Variants in PHF19 observed in about 807,000 individuals in gnomAD.
PHF19 encodes polycomb like 3.
In PHF19, 21 loss-of-function variants were observed where a neutral mutation model predicts 79.8. The observed-to-expected ratio is 0.26, with a 90% CI of 0.19 to 0.38. PHF19 has a LOEUF of 0.38. Among genes scored for constraint, PHF19 ranks in the 10% least tolerant of loss-of-function variants. The pLI is 1.00. For synonymous variants in PHF19, 273 were observed against 296.3 expected (o/e 0.92, Z 0.81); for missense variants, 445 against 744.2 (o/e 0.60, Z 4.68).
intron 9 of PHF19, among the ~76,000 whole-genome samples, chr9:120,864,983 C>A (rs2045656125): frequency 6.6e-6 from 1 of 151,838 alleles, no homozygotes; most frequent in Non-Finnish European, 1.5e-5. Flanking sequence ...TTACTAAAAA[C>A]CAACTCTACG....
intron 3 of PHF19, among the ~76,000 whole-genome samples, chr9:120,873,013 C>G (rs2045950043): frequency 6.6e-6 from 1 of 152,208 alleles, no homozygotes; most frequent in Admixed American, 6.5e-5. Context: ...CTCCCAACCA[C>G]CCTATGAAGC....
intron 9 of PHF19, among the ~76,000 whole-genome samples, chr9:120,864,741 G>A: frequency 6.6e-6 from 1 of 151,930 alleles, no homozygotes; most frequent in Non-Finnish European, 1.5e-5. Context: ...AAAGTATAAT[G>A]TATACTAAAA....
Position 120,869,766 on chromosome 9 carries a change from G to A in PHF19, c.465+79C>T. 1 of 1,601,052 alleles carries A rather than the reference G, an allele frequency of 6.2e-7. No homozygotes were observed. The highest frequency in any genetic ancestry group is 2.2e-5 in the East Asian group (1 of 44,460). Reference sequence around the variant, plus strand: ...GTGTGGCCCTTCTGCTTGGAGCTCAGACTCTGTGATGGGAGTCTCTGGTCT... The same window carrying A: ...GTGTGGCCCTTCTGCTTGGAGCTCAAACTCTGTGATGGGAGTCTCTGGTCT... On this transcript the variant is annotated intron_variant, in intron 5 of 14. Coordinates refer to ENST00000373896, the MANE Select transcript of PHF19 (RefSeq NM_015651.3). This position sits in a 1 kb window ranked among gnomAD's most constrained non-coding sequence, Gnocchi z 5.8.
At position 120,874,191 on chromosome 9, in the gene PHF19, G is replaced by A; in HGVS notation, c.187-131C>T. The A allele has an allele frequency of 1.6e-6, 1 of 633,126 alleles. No individual in the cohort carries two copies. The highest frequency in any genetic ancestry group is 2.9e-6 in the Non-Finnish European group (1 of 349,758). 39.2% of individuals were successfully genotyped at this position (633,126 alleles called of 1,614,324 possible). ...GGCTAGAAGGGGAAGAAGGATGGCA[G>A]TTCCTGGACAGGGTGTACTCCTAGT... On this transcript the variant is annotated intron_variant, in intron 2 of 14. Transcript: ENST00000373896. This position sits in a 1 kb window ranked among gnomAD's most constrained non-coding sequence, Gnocchi z 4.5.
At chr9:120,899,693 T>C (rs572286027), upstream of PHF19, among the ~76,000 whole-genome samples, 2 of 152,270 alleles carry the variant, frequency 1.3e-5, no homozygotes, top group South Asian at 4.1e-4. Context: ...TAGATGCTGT[T>C]TGTCTCACTG....
chr9:120,886,091 T>G (rs903112064), intron 1 of PHF19, among the ~76,000 whole-genome samples: 2 of 152,222 alleles, frequency 1.3e-5, no homozygotes, highest in Non-Finnish European at 2.9e-5. Context: ...TATAGCTGCT[T>G]CTTCCAAGAT....
chr9:120,890,150 A>G (rs768686732), intron 1 of PHF19, among the ~76,000 whole-genome samples: 3 of 152,236 alleles, frequency 2.0e-5, no homozygotes, highest in Non-Finnish European at 4.4e-5. Flanking sequence ...TGCTGAGTGA[A>G]TAGATAAACA....
intron 1 of PHF19, among the ~76,000 whole-genome samples, chr9:120,884,757 A>C (rs1346638682): frequency 2.4e-5 from 3 of 125,796 alleles, no homozygotes; most frequent in African/African-American, 1.1e-4. Flanking sequence ...AAAAATACAA[A>C]AAAAAAAAAA....
At chr9:120,876,431 G>GCGGGGGCCCC (rs2046056237) in intron 1 of PHF19, 2 of 152,046 alleles carry the variant, frequency 1.3e-5, no homozygotes, top group Non-Finnish European at 1.5e-5. Context: ...CCCTGGCCGG[G>GCGGGGGCCCC]CGGGGGCCCC....
At chr9:120,879,710 G>A (rs890391271), upstream of PHF19, among the ~76,000 whole-genome samples, 24 of 152,170 alleles carry the variant, frequency 1.6e-4, no homozygotes. Context: ...TTCGAATTGA[G>A]GAAAGAGAAC....
At position 120,869,543 on chromosome 9, in the gene PHF19, T is replaced by C; in HGVS notation, c.466-213A>G. On this transcript the variant is annotated intron_variant, in intron 5 of 14. Transcript: ENST00000373896. This position sits in a 1 kb window ranked among gnomAD's most constrained non-coding sequence, Gnocchi z 5.8. ...CCGTTGATAACAGAATTAAGAGTAA[T>C]AAGCGCAATAAAGGCAACAATTACC... 7.0e-7 allele frequency: 1 copy of C among 1,428,170 alleles called. No individual in the cohort carries two copies. Among genetic ancestry groups the C allele is most frequent in the South Asian group, 1.5e-5 (1 of 67,804 alleles). 88.5% of individuals were successfully genotyped at this position (1,428,170 alleles called of 1,614,324 possible).
At chr9:120,900,980 T>G in the PHF19 span, among the ~76,000 whole-genome samples, 1 of 152,246 alleles carries the variant, frequency 6.6e-6, no homozygotes, top group Non-Finnish European at 1.5e-5. Context: ...TGGACACCCG[T>G]GAGGTGGCCT....
chr9:120,889,462 C>T (rs914442721), intron 1 of PHF19, among the ~76,000 whole-genome samples: 4 of 147,608 alleles, frequency 2.7e-5, no homozygotes, highest in East Asian at 2.0e-4. Context: ...GTAGCCTGGG[C>T]GCAGTGACTC....
rs1485257767 is a variant in PHF19 at position 120,866,361 on chromosome 9, G to A, written c.711-265C>T. 2.0e-5 allele frequency among the ~76,000 whole-genome samples: 3 copies of A among 152,178 alleles called. No individual in the cohort carries two copies. The highest frequency in any genetic ancestry group is 7.2e-5 in the African/African-American group (3 of 41,426). ...CAGAGAGTGAGCTGAGCTAGGCTGG[G>A]CTGCCATGGTCACCCTCTTCCCCTC... On this transcript the variant is annotated intron_variant, in intron 7 of 14. Transcript: ENST00000373896. The surrounding 1 kb of genome is among the most constrained non-coding windows in gnomAD (Gnocchi z 5.2).
chr9:120,859,013 G>T (rs1433508415), intron 14 of PHF19, among the ~76,000 whole-genome samples: 1 of 152,104 alleles, frequency 6.6e-6, no homozygotes, highest in East Asian at 1.9e-4. Context: ...CAGCTACTCC[G>T]GAGGCTGAGG....
rs2046347703 is a variant in PHF19 at position 120,891,875 on chromosome 9, C to T, written c.42+2913G>A. ...GGACCCTGTGCTATAAACAAGTCTC[C>T]TGGTGATCCTTCTGCACACAAATGT... On this transcript the variant is annotated intron_variant, in intron 1 of 14. Coordinates refer to the PHF19 transcript ENST00000616568. The surrounding 1 kb of genome is among the most constrained non-coding windows in gnomAD (Gnocchi z 4.3). 6.6e-6 allele frequency among the ~76,000 whole-genome samples: 1 copy of T among 152,150 alleles called. No individual in the cohort carries two copies. The highest frequency in any genetic ancestry group is 2.4e-5 in the African/African-American group (1 of 41,428).
upstream of PHF19, among the ~76,000 whole-genome samples, chr9:120,896,600 C>T (rs190597732): frequency 9.7e-4 from 148 of 151,908 alleles, no homozygotes; most frequent in Middle Eastern, 3.4e-3. Flanking sequence ...TACAGGCACG[C>T]GCCACCACGC....
In PHF19 at chr9:120,870,030, G is replaced by A. The variant is rs1403252517; in HGVS notation, c.365-85C>T. On this transcript the variant is annotated intron_variant, in intron 4 of 14. Coordinates refer to ENST00000373896, the MANE Select transcript of PHF19 (RefSeq NM_015651.3). The surrounding 1 kb of genome is among the most constrained non-coding windows in gnomAD (Gnocchi z 4.4). ...GCCCAAAGGAGGCAGGGCTGGGAGG[G>A]CTGAGGGAAGTCCTAGGAGCTCTGC... 2.0e-6 allele frequency: 3 copies of A among 1,512,482 alleles called. No homozygotes were observed. Among genetic ancestry groups the A allele is most frequent in the African/African-American group, 1.4e-5 (1 of 72,658 alleles). The allele number at this position is 1,512,482 out of a possible 1,614,324, so 93.7% of individuals were successfully genotyped here. A position where few individuals can be genotyped will look rare whatever the true frequency, so the allele number is the denominator to read the frequency against.
chr9:120,876,947 CA>C, intron 1 of PHF19, 143 bp downstream of exon 1: 2 of 984,196 alleles, frequency 2.0e-6, no homozygotes, highest in Non-Finnish European at 2.4e-6. Flanking sequence ...CCCCGGTCCC[CA>C]CCCCCGAGAG....
Sources: gnomAD v4.1 joint callset for allele counts (sites outside exome capture counted in the v4.1 genomes callset) on GRCh38, gnomAD v4.1.1 for gene constraint, Gnocchi (gnomAD v3.1) non-coding constraint, MANE v1.5 for transcripts, NCBI Gene and HGNC (gene_info 2026-07-23, HGNC 2026-07-21) for gene names.